CCDC178: variants seen among roughly 807,000 people sequenced by gnomAD.
CCDC178 encodes the protein coiled-coil domain containing 178.
Under a neutral mutation model 117.4 loss-of-function variants are expected in CCDC178, and 126 were observed. That is an observed-to-expected ratio of 1.07 (90% CI 0.93 to 1.24). The LOEUF (loss-of-function observed/expected upper bound fraction) is 1.24, where lower values mean the gene tolerates loss of function less well. Among genes scored for constraint, CCDC178 ranks in the 50% most tolerant of loss-of-function variants. CCDC178 has a pLI of 0.00. For synonymous variants in CCDC178, 283 were observed against 313.4 expected, an observed-to-expected ratio of 0.90 and a Z score of 1.02; for missense variants, 1,030 against 986.9, an observed-to-expected ratio of 1.04 and a Z score of -0.59.
At chr18:33,019,666 A>G (rs1567936096) in intron 21 of CCDC178, among the ~76,000 whole-genome samples, 1 of 152,106 alleles carries the variant, frequency 6.6e-6, no homozygotes, top group African/African-American at 2.4e-5. Context: ...TAAAAACTCT[A>G]TGGAGTGTTA....
At chr18:33,249,611 T>C (rs144338003) in intron 14 of CCDC178, among the ~76,000 whole-genome samples, 101 of 152,226 alleles carry the variant, frequency 6.6e-4, no homozygotes, top group Middle Eastern at 3.4e-3. Flanking sequence ...GGCTCTGTTC[T>C]GTTCCATTCA....
chr18:33,297,515 A>C (rs1477638666), intron 11 of CCDC178, among the ~76,000 whole-genome samples: 3 of 152,344 alleles, frequency 2.0e-5, no homozygotes, highest in African/African-American at 7.2e-5. Flanking sequence ...CACAAAAAAT[A>C]AAAGTATAAT....
Position 33,370,048 on chromosome 18 carries a change from A to T in CCDC178, c.348+2T>A, listed in dbSNP as rs2144757414. 1 of 1,576,368 alleles carries T rather than the reference A, an allele frequency of 6.3e-7. No homozygotes were observed. Among genetic ancestry groups the T allele is most frequent in the Non-Finnish European group, 8.6e-7 (1 of 1,164,242 alleles). ...TATCAGCATTTTAAATTAGTCTCTTACCCTTTTCAAATGCTCCTGTATTTT... is the reference window on the plus strand; with the variant it reads ...TATCAGCATTTTAAATTAGTCTCTTTCCCTTTTCAAATGCTCCTGTATTTT... On this transcript the variant is annotated splice_donor_variant, in intron 6 of 22. Coordinates refer to ENST00000383096, the MANE Select transcript of CCDC178 (RefSeq NM_001105528.4). LOFTEE classifies it high-confidence loss of function.
chr18:32,946,937 G>C (rs1055408085), intron 22 of CCDC178, among the ~76,000 whole-genome samples: 4 of 151,658 alleles, frequency 2.6e-5, no homozygotes, highest in African/African-American at 4.8e-5. Context: ...GCACCACCAC[G>C]CCCGGCTAAT....
At chr18:33,351,032 T>C (rs1255602519) in intron 7 of CCDC178, among the ~76,000 whole-genome samples, 1 of 152,146 alleles carries the variant, frequency 6.6e-6, no homozygotes, top group Non-Finnish European at 1.5e-5. Context: ...TTATTGTGTT[T>C]AATAAAGTTC....
chr18:32,977,389 A>G (rs553672472), intron 21 of CCDC178, among the ~76,000 whole-genome samples: 31 of 152,270 alleles, frequency 2.0e-4, no homozygotes, highest in Non-Finnish European at 4.0e-4. Flanking sequence ...CCTGGAAAAT[A>G]GGCTGTGATG....
At chr18:33,227,895 G>A (rs929626500) in intron 15 of CCDC178, among the ~76,000 whole-genome samples, 1 of 152,018 alleles carries the variant, frequency 6.6e-6, no homozygotes, top group Non-Finnish European at 1.5e-5. Flanking sequence ...GCAACAATAC[G>A]TTTTGATAAT....
intron 20 of CCDC178, among the ~76,000 whole-genome samples, chr18:33,135,021 AG>A (rs1233896707): frequency 6.6e-6 from 1 of 152,148 alleles, no homozygotes; most frequent in Non-Finnish European, 1.5e-5. Context: ...AAAAGGGAGC[AG>A]TATTTCAGAA....
chr18:33,361,437 C>T (rs1350050018), intron 6 of CCDC178, among the ~76,000 whole-genome samples: 1 of 151,498 alleles, frequency 6.6e-6, no homozygotes, highest in Non-Finnish European at 1.5e-5. Flanking sequence ...TTGACAACAA[C>T]TTTTGGGAAT....
At chr18:33,215,989 T>G (rs2059161311) in intron 18 of CCDC178, among the ~76,000 whole-genome samples, 1 of 151,894 alleles carries the variant, frequency 6.6e-6, no homozygotes, top group African/African-American at 2.4e-5. Flanking sequence ...TCCCAGCTAC[T>G]TGGGAGGCTG....
At chr18:33,070,395 G>A (rs755313526) in intron 21 of CCDC178, among the ~76,000 whole-genome samples, 1 of 152,062 alleles carries the variant, frequency 6.6e-6, no homozygotes, top group Non-Finnish European at 1.5e-5. Context: ...AGGTCATTAT[G>A]TTAAATGAAA....
intron 15 of CCDC178, among the ~76,000 whole-genome samples, chr18:33,234,607 C>T (rs1373873890): frequency 6.6e-6 from 1 of 151,424 alleles, no homozygotes; most frequent in East Asian, 1.9e-4. Flanking sequence ...CAAGAAAAAA[C>T]AACTTTTTTA....
At chr18:33,323,387 T>A (rs546869500) in intron 11 of CCDC178, 104 bp downstream of exon 11, 2 of 680,016 alleles carry the variant, frequency 2.9e-6, no homozygotes, top group South Asian at 1.3e-4. Flanking sequence ...TTTAAAATTT[T>A]ATTTTTCTCT....
chr18:33,390,798 T>C (rs1267841317), intron 4 of CCDC178, among the ~76,000 whole-genome samples: 3 of 151,926 alleles, frequency 2.0e-5, no homozygotes, highest in Non-Finnish European at 4.4e-5. Flanking sequence ...CTTTCTTCCA[T>C]GTATGCTATA....
chr18:33,351,562 T>C (rs1407366830), intron 7 of CCDC178, among the ~76,000 whole-genome samples: 3 of 152,146 alleles, frequency 2.0e-5, no homozygotes, highest in Admixed American at 6.5e-5. Context: ...TCATTTTTTG[T>C]TTGTTTGTTT....
At chr18:33,247,430 AAAAG>A (rs2059564376) in intron 14 of CCDC178, among the ~76,000 whole-genome samples, 1 of 151,924 alleles carries the variant, frequency 6.6e-6, no homozygotes, top group Admixed American at 6.6e-5. Flanking sequence ...AGGAATAATG[AAAAG>A]AAATATGGAC....
intron 12 of CCDC178, among the ~76,000 whole-genome samples, chr18:33,289,357 G>C (rs866357829): frequency 3.3e-5 from 5 of 152,190 alleles, no homozygotes; most frequent in South Asian, 2.1e-4. Flanking sequence ...GCTCATGCGT[G>C]TAATCCCAGC....
chr18:32,994,696 C>A (rs908099970), intron 21 of CCDC178, among the ~76,000 whole-genome samples: 3 of 152,150 alleles, frequency 2.0e-5, no homozygotes, highest in Non-Finnish European at 4.4e-5. Context: ...GAGTTAGCAA[C>A]TAGGCAAATA....
intron 20 of CCDC178, among the ~76,000 whole-genome samples, chr18:33,094,213 A>G (rs1335763754): frequency 6.6e-6 from 1 of 152,078 alleles, no homozygotes. Context: ...ATCATTTTAA[A>G]TGCCCTTGTC....
Sources: gnomAD v4.1 joint callset for allele counts (sites outside exome capture counted in the v4.1 genomes callset) on GRCh38, gnomAD v4.1.1 for gene constraint, MANE v1.5 for transcripts, NCBI Gene and HGNC (gene_info 2026-07-23, HGNC 2026-07-21) for gene names.